Variants in LEMD3 observed in about 807,000 individuals in gnomAD.
LEMD3 encodes the protein inner nuclear membrane protein Man1.
In LEMD3, 33 loss-of-function variants were observed where a neutral mutation model predicts 95.2. The ratio of observed to expected loss-of-function variants is 0.35; its 90% CI spans 0.26 to 0.46. The LOEUF (loss-of-function observed/expected upper bound fraction) is 0.46, where lower values mean the gene tolerates loss of function less well. Among genes scored for constraint, LEMD3 ranks in the 20% least tolerant of loss-of-function variants. LEMD3 has a pLI of 1.00. For synonymous variants in LEMD3, 525 were observed against 474.6 expected (o/e 1.11, Z -1.38); for missense variants, 1,210 against 1,192.8 (o/e 1.01, Z -0.21).
chr12:65,172,943 T>C (rs10467076), intron 1 of LEMD3, among the ~76,000 whole-genome samples: 5,377 of 152,252 alleles, frequency 0.035, 315 homozygotes, highest in African/African-American at 0.12. Flanking sequence ...TTAGCAGATC[T>C]GGCCATTTTC....
chr12:65,200,870 T>A (rs982777271), intron 1 of LEMD3, among the ~76,000 whole-genome samples: 14 of 152,278 alleles, frequency 9.2e-5, no homozygotes, highest in Admixed American at 2.6e-4. Flanking sequence ...ATCTAAAAAG[T>A]CATTGCCAAA....
At chr12:65,191,924 CAAAAAA>C (rs35109917) in intron 1 of LEMD3, among the ~76,000 whole-genome samples, 2 of 74,324 alleles carry the variant, frequency 2.7e-5, no homozygotes, top group African/African-American at 1.1e-4. Flanking sequence ...GACTCCGTCT[CAAAAAA>C]AAAAAAAAAA....
At chr12:65,242,427 T>A (rs916084424) in intron 9 of LEMD3, among the ~76,000 whole-genome samples, 1 of 152,194 alleles carries the variant, frequency 6.6e-6, no homozygotes, top group African/African-American at 2.4e-5. Flanking sequence ...GTTTTCAGAT[T>A]TTTGTACCCA....
intron 1 of LEMD3, among the ~76,000 whole-genome samples, chr12:65,200,564 C>T (rs978434245): frequency 6.6e-6 from 1 of 152,100 alleles, no homozygotes; most frequent in African/African-American, 2.4e-5. Context: ...AATGGTATCT[C>T]ATTATTTTAA....
At chr12:65,199,143 CTTTTTT>C (rs1194546807) in intron 1 of LEMD3, among the ~76,000 whole-genome samples, 1 of 152,020 alleles carries the variant, frequency 6.6e-6, no homozygotes, top group African/African-American at 2.4e-5. Context: ...TTAGATTAAA[CTTTTTT>C]TGAATGAGGA....
intron 1 of LEMD3, among the ~76,000 whole-genome samples, chr12:65,174,539 G>T (rs763344813): frequency 5.3e-5 from 8 of 152,098 alleles, no homozygotes; most frequent in Non-Finnish European, 1.0e-4. Context: ...ACAGTGAATG[G>T]TTATTGTATG....
intron 4 of LEMD3, among the ~76,000 whole-genome samples, chr12:65,224,767 C>G (rs1020605010): frequency 6.6e-6 from 1 of 152,030 alleles, no homozygotes; most frequent in Admixed American, 6.6e-5. Context: ...ATTTTCTTCC[C>G]CAGGTTTGGG....
At chr12:65,174,800 G>C (rs900506964) in intron 1 of LEMD3, among the ~76,000 whole-genome samples, 1 of 152,204 alleles carries the variant, frequency 6.6e-6, no homozygotes, top group African/African-American at 2.4e-5. Flanking sequence ...TACATTTCTA[G>C]GAGGGGAATG....
At chr12:65,225,206 T>A (rs977811609) in intron 4 of LEMD3, among the ~76,000 whole-genome samples, 1 of 152,230 alleles carries the variant, frequency 6.6e-6, no homozygotes, top group African/African-American at 2.4e-5. Context: ...CTTAGACTTC[T>A]ACTTCTTTAG....
intron 1 of LEMD3, among the ~76,000 whole-genome samples, chr12:65,189,602 T>C (rs531423538): frequency 1.1e-4 from 16 of 152,342 alleles, no homozygotes; most frequent in South Asian, 8.3e-4. Context: ...GAATCTGATA[T>C]GCACAAGGGT....
At position 65,245,530 on chromosome 12, in the gene LEMD3, T is replaced by C. The variant is rs1305986901; in HGVS notation, c.2388-139T>C. On this transcript the variant is annotated intron_variant, in intron 10 of 12. Coordinates refer to ENST00000308330, the MANE Select transcript of LEMD3 (RefSeq NM_014319.5). ...TCTACCTCCTGTTAGTCAACAAGCA[T>C]TTACTTAATACCAATTAAAATCGTA... is the stretch of plus-strand genomic sequence containing the variant. 8.8e-6 allele frequency: 6 copies of C among 684,136 alleles called. No individual in the cohort carries two copies. The African/African-American group carries it at 1.1e-4, about 12-fold the overall frequency. 42.4% of individuals were successfully genotyped at this position (684,136 alleles called of 1,614,324 possible).
intron 4 of LEMD3, among the ~76,000 whole-genome samples, chr12:65,229,970 T>G (rs1239198147): frequency 2.0e-5 from 3 of 152,230 alleles, no homozygotes; most frequent in African/African-American, 7.2e-5. Flanking sequence ...AATTATTTAA[T>G]CCATTTTGAG....
intron 1 of LEMD3, among the ~76,000 whole-genome samples, chr12:65,172,733 T>TC (rs1159307953): frequency 1.3e-5 from 2 of 150,712 alleles, no homozygotes; most frequent in Non-Finnish European, 3.0e-5. Context: ...TTCTTTTCTT[T>TC]TTTTTTTTTT....
rs1868510707 is a variant in LEMD3, at chr12:65,170,650, A to G, written c.1054A>G (p.Ser352Gly). 1 of 1,614,190 alleles carries G rather than the reference A, an allele frequency of 6.2e-7. No individual in the cohort carries two copies. Among genetic ancestry groups the G allele is most frequent in the South Asian group, 1.1e-5 (1 of 91,084 alleles). ...AGGAGGGTGTGATCAAGTGGACTCCAGCCCCGTTCCTAGATACCGTGTTAA... is the reference window on the plus strand; with the variant it reads ...AGGAGGGTGTGATCAAGTGGACTCCGGCCCCGTTCCTAGATACCGTGTTAA... ...QGGGCDQVDS[S>G]PVPRYRVNAK... The change falls in exon 1 of 13, where the codon AGC becomes GGC. Residue 352 changes from serine to glycine, a missense_variant. Physicochemically the swap from Ser to Gly is moderately conservative, Grantham distance 56. Around this residue, in one of 2 missense-constraint regions of LEMD3, gnomAD observed 749 missense variants for 622.9 expected, o/e 1.20. Transcript: ENST00000308330.
At chr12:65,177,181 G>A (rs1024451670) in intron 1 of LEMD3, among the ~76,000 whole-genome samples, 2 of 152,172 alleles carry the variant, frequency 1.3e-5, no homozygotes, top group African/African-American at 4.8e-5. Flanking sequence ...AATTCATGGA[G>A]GTTATAAAGC....
intron 2 of LEMD3, among the ~76,000 whole-genome samples, chr12:65,215,362 A>G (rs558937205): frequency 9.8e-5 from 15 of 152,298 alleles, no homozygotes; most frequent in Admixed American, 8.5e-4. Flanking sequence ...CTGCAGTTGT[A>G]TAACATTTAA....
intron 2 of LEMD3, among the ~76,000 whole-genome samples, chr12:65,213,576 CT>C (rs1176831525): frequency 6.6e-6 from 1 of 152,138 alleles, no homozygotes; most frequent in Non-Finnish European, 1.5e-5. Flanking sequence ...TATAGTTGAG[CT>C]TTCTGAGTTC....
At chr12:65,191,562 A>G (rs908176971) in intron 1 of LEMD3, among the ~76,000 whole-genome samples, 6 of 152,112 alleles carry the variant, frequency 3.9e-5, no homozygotes. Context: ...CTCTCTTTTT[A>G]TGAGGAGAGA....
chr12:65,184,555 T>G (rs1326823704), intron 1 of LEMD3, among the ~76,000 whole-genome samples: 1 of 152,204 alleles, frequency 6.6e-6, no homozygotes, highest in Non-Finnish European at 1.5e-5. Flanking sequence ...TTCCAACTTA[T>G]ACTGGCCTAA....
Sources: allele counts gnomAD v4.1 joint callset (sites outside exome capture counted in the v4.1 genomes callset), GRCh38; gene constraint gnomAD v4.1.1; regional missense constraint gnomAD v4.1.1; transcripts MANE v1.5; gene names NCBI Gene and HGNC (gene_info 2026-07-23, HGNC 2026-07-21).